MTMR9: variants seen among roughly 807,000 people sequenced by gnomAD.
MTMR9 encodes myotubularin-related protein 9.
Under a neutral mutation model 69.5 loss-of-function variants are expected in MTMR9, and 39 were observed. The observed-to-expected ratio is 0.56, with a 90% CI of 0.43 to 0.73. The LOEUF is 0.73. MTMR9 is among the 30% of genes least tolerant of loss of function. MTMR9 has a pLI of 0.00. For synonymous variants in MTMR9, 354 were observed against 240.8 expected, an observed-to-expected ratio of 1.47 and a Z score of -4.35; for missense variants, 900 against 671.2, an observed-to-expected ratio of 1.34 and a Z score of -3.77.
intron 6 of MTMR9, among the ~76,000 whole-genome samples, chr8:11,313,852 A>G (rs1800301028): frequency 6.6e-6 from 1 of 152,236 alleles, no homozygotes; most frequent in Non-Finnish European, 1.5e-5. Context: ...AAATATTGTG[A>G]GCATTACTAA....
At chr8:11,292,277 T>C (rs1356161675) in intron 1 of MTMR9, among the ~76,000 whole-genome samples, 1 of 152,234 alleles carries the variant, frequency 6.6e-6, no homozygotes, top group Non-Finnish European at 1.5e-5. Context: ...TTAAATAAAG[T>C]TGTTTTTAAT....
intron 5 of MTMR9, among the ~76,000 whole-genome samples, chr8:11,309,075 G>A (rs749666902): frequency 2.6e-5 from 4 of 152,158 alleles, no homozygotes; most frequent in African/African-American, 9.7e-5. Flanking sequence ...GTAAAAGAGT[G>A]ATTTATAAGT....
chr8:11,320,728 C>T (rs1199092063), intron 9 of MTMR9: 1 of 152,100 alleles, frequency 6.6e-6, no homozygotes, highest in African/African-American at 2.4e-5. Context: ...ACGAGACTTT[C>T]TCAAAAAGAT....
rs267601725 is a variant in MTMR9 at position 11,322,783 on chromosome 8, C to T, written c.1645C>T (p.Pro549Ser). The change falls in exon 10 of 10, where the codon CCC (proline) becomes TCC (serine). Residue 549 changes from proline to serine, a missense_variant. By Grantham distance (74) the Pro-to-Ser change is moderately conservative. Coordinates refer to ENST00000221086, the MANE Select transcript of MTMR9 (RefSeq NM_015458.4). ...LETEDGMQES[P>S] ...AACAGAGGACGGGATGCAGGAGAGT[C>T]CCTGAAAGGTCTCCTCGCACCCTTC... The T allele has an allele frequency of 9.9e-6, 16 of 1,613,430 alleles. 1 individual carries two copies. In the South Asian group the frequency reaches 1.5e-4, roughly 16 times the overall value.
At chr8:11,316,520 C>T (rs560686093) in intron 7 of MTMR9, 153 bp from the exon 8 acceptor site, 4 of 459,976 alleles carry the variant, frequency 8.7e-6, no homozygotes, top group South Asian at 6.2e-5. Flanking sequence ...TATTTTATAC[C>T]AAGAAATCAT....
At chr8:11,334,311 A>G in the MTMR9 span, among the ~76,000 whole-genome samples, 1 of 152,366 alleles carries the variant, frequency 6.6e-6, no homozygotes, top group African/African-American at 2.4e-5. Flanking sequence ...GAATCAAAAG[A>G]CAGGCATAAA....
chr8:11,313,497 T>G (rs1422822522), intron 6 of MTMR9, among the ~76,000 whole-genome samples: 1 of 152,244 alleles, frequency 6.6e-6, no homozygotes, highest in East Asian at 1.9e-4. Context: ...CTGACTCAGC[T>G]TTCGACGTGC....
At chr8:11,290,881 T>A (rs1044390363) in intron 1 of MTMR9, among the ~76,000 whole-genome samples, 12 of 150,668 alleles carry the variant, frequency 8.0e-5, no homozygotes, top group Non-Finnish European at 1.5e-4. Flanking sequence ...TTTTTTTTTT[T>A]AAAGTTGACA....
chr8:11,295,485 C>T (rs1799522516), intron 2 of MTMR9, among the ~76,000 whole-genome samples, 183 bp downstream of exon 2: 1 of 134,852 alleles, frequency 7.4e-6, no homozygotes, highest in Admixed American at 7.5e-5. Flanking sequence ...TGACTTCCAG[C>T]AGTGTCTGGT....
chr8:11,317,420 A>G (rs1398018588), intron 8 of MTMR9: 1 of 152,248 alleles, frequency 6.6e-6, no homozygotes, highest in Non-Finnish European at 1.5e-5. Flanking sequence ...ATGTCAGATC[A>G]TCAGGCATTA....
At chr8:11,337,576 C>T in the MTMR9 span, among the ~76,000 whole-genome samples, 1 of 152,212 alleles carries the variant, frequency 6.6e-6, no homozygotes, top group African/African-American at 2.4e-5. Context: ...GTGTGATAGT[C>T]TAAGAATGTC....
intron 2 of MTMR9, chr8:11,298,079 G>A (rs1168354540): frequency 2.7e-6 from 1 of 364,072 alleles, no homozygotes; most frequent in South Asian, 2.1e-5. Flanking sequence ...CAAGTGCTCA[G>A]TTATCTAAAT....
intron 6 of MTMR9, among the ~76,000 whole-genome samples, chr8:11,314,047 A>G (rs763007381): frequency 1.3e-5 from 2 of 152,242 alleles, no homozygotes; most frequent in Non-Finnish European, 2.9e-5. Flanking sequence ...AAGATGACTT[A>G]CAAACATGGA....
downstream of MTMR9, among the ~76,000 whole-genome samples, chr8:11,328,813 G>T (rs902139032): frequency 2.0e-5 from 3 of 152,224 alleles, no homozygotes; most frequent in Non-Finnish European, 4.4e-5. Context: ...AACATCATTA[G>T]TAATGGGACA....
rs748830867 is a variant in MTMR9, at chr8:11,306,223, A to G, written c.625A>G (p.Thr209Ala). ...IMRSGQPLTG[T>A]NGRRCKEDEK... ...GCGAAGTGGTCAGCCACTCACTGGT[A>G]CAAACGGGAGGAGGTGCAAGGAGGA... The change falls in exon 5 of 10, where the codon ACA becomes GCA. Residue 209 changes from threonine to alanine, a missense_variant. Transcript: ENST00000221086. 4.3e-6 allele frequency: 7 copies of G among 1,613,374 alleles called. No homozygotes were observed. The highest frequency in any genetic ancestry group is 1.3e-5 in the African/African-American group (1 of 74,902).
intron 1 of MTMR9, among the ~76,000 whole-genome samples, chr8:11,292,622 T>A (rs114773187): frequency 1.1e-4 from 17 of 152,332 alleles, no homozygotes; most frequent in African/African-American, 3.8e-4. Context: ...ATATGCTTAT[T>A]TGCCATCCAT....
At chr8:11,295,711 A>T (rs563918603) in intron 2 of MTMR9, among the ~76,000 whole-genome samples, 1 of 152,394 alleles carries the variant, frequency 6.6e-6, no homozygotes, top group South Asian at 2.1e-4. Context: ...TGTTCACTAT[A>T]CAAAGCTCTG....
At chr8:11,306,540 C>A in intron 5 of MTMR9, 133 bp downstream of exon 5, 2 of 769,018 alleles carry the variant, frequency 2.6e-6, no homozygotes, top group South Asian at 1.9e-5. Flanking sequence ...GGCTAGCCAT[C>A]TTCTCATTTT....
At chr8:11,321,418 A>G (rs912491955) in intron 9 of MTMR9, 1 of 456,238 alleles carries the variant, frequency 2.2e-6, no homozygotes, top group East Asian at 6.9e-5. Context: ...AACTGAAATG[A>G]GCGTAGCTGT....
Sources: allele counts gnomAD v4.1 joint callset (sites outside exome capture counted in the v4.1 genomes callset), GRCh38; gene constraint gnomAD v4.1.1; transcripts MANE v1.5; gene names NCBI Gene and HGNC (gene_info 2026-07-23, HGNC 2026-07-21).